Variants in JPH3 observed in about 807,000 individuals in gnomAD.
JPH3 encodes the protein junctophilin-3.
In JPH3, 11 loss-of-function variants were observed where a neutral mutation model predicts 59.6. The ratio of observed to expected loss-of-function variants is 0.18; its 90% CI spans 0.12 to 0.31. The LOEUF (loss-of-function observed/expected upper bound fraction) is 0.31. Among genes scored for constraint, JPH3 ranks in the 10% least tolerant of loss-of-function variants. The pLI, the probability that JPH3 is intolerant of heterozygous loss-of-function variation, is 1.00. For synonymous variants in JPH3, 673 were observed against 483.6 expected, an observed-to-expected ratio of 1.39 and a Z score of -5.14; for missense variants, 1,202 against 1,105.7, an observed-to-expected ratio of 1.09 and a Z score of -1.24.
At chr16:87,695,612 T>C (rs950921612) in intron 4 of JPH3, 2 of 455,898 alleles carry the variant, frequency 4.4e-6, no homozygotes, top group African/African-American at 4.0e-5. Flanking sequence ...CAGCCATTCC[T>C]GGGCTGGGGC....
At chr16:87,633,043 C>T (rs567309274) in intron 1 of JPH3, among the ~76,000 whole-genome samples, 2 of 152,224 alleles carry the variant, frequency 1.3e-5, no homozygotes, top group African/African-American at 4.8e-5. Flanking sequence ...TGTCCTTTTA[C>T]TTCATTATTT....
At chr16:87,662,314 G>A (rs569763956) in intron 2 of JPH3, among the ~76,000 whole-genome samples, 2 of 152,302 alleles carry the variant, frequency 1.3e-5, no homozygotes, top group Admixed American at 6.5e-5. Flanking sequence ...AAGGGTCAGT[G>A]GGCGCCGAAT....
chr16:87,634,541 G>A (rs1175144910), intron 1 of JPH3, among the ~76,000 whole-genome samples: 1 of 152,238 alleles, frequency 6.6e-6, no homozygotes, highest in Non-Finnish European at 1.5e-5. Flanking sequence ...AGGTGGGAAG[G>A]GGTCCCTGCA....
At chr16:87,667,233 C>T (rs1438108885) in intron 2 of JPH3, among the ~76,000 whole-genome samples, 1 of 152,196 alleles carries the variant, frequency 6.6e-6, no homozygotes, top group Non-Finnish European at 1.5e-5. Flanking sequence ...GCATTAGGGC[C>T]CACCTGTATA....
chr16:87,641,653 G>C (rs12444788), intron 1 of JPH3, among the ~76,000 whole-genome samples: 2 of 151,998 alleles, frequency 1.3e-5, no homozygotes, highest in African/African-American at 4.8e-5. Flanking sequence ...CTCAGAGGCT[G>C]CGTTGCCGAT....
intron 2 of JPH3, among the ~76,000 whole-genome samples, chr16:87,671,176 G>A (rs2033004992): frequency 6.6e-6 from 1 of 152,166 alleles, no homozygotes. Flanking sequence ...CGGGGTCTTT[G>A]GAGCTTCAGC....
chr16:87,665,687 C>T (rs913748739), intron 2 of JPH3, among the ~76,000 whole-genome samples: 1 of 152,252 alleles, frequency 6.6e-6, no homozygotes, highest in Non-Finnish European at 1.5e-5. Context: ...AGGCACTCAA[C>T]AACCACGGCT....
chr16:87,665,194 C>A (rs1304397862), intron 2 of JPH3, among the ~76,000 whole-genome samples: 1 of 152,092 alleles, frequency 6.6e-6, no homozygotes, highest in African/African-American at 2.4e-5. Context: ...ACCTTCTCCC[C>A]AGGGTGAGCT....
intron 1 of JPH3, among the ~76,000 whole-genome samples, chr16:87,640,839 G>A (rs897651019): frequency 5.9e-5 from 9 of 152,244 alleles, no homozygotes; most frequent in South Asian, 2.1e-4. Context: ...AGGGGCAGTC[G>A]CTGAGGGTGC....
chr16:87,626,824 C>T (rs1161921042), intron 1 of JPH3, among the ~76,000 whole-genome samples: 1 of 152,152 alleles, frequency 6.6e-6, no homozygotes, highest in African/African-American at 2.4e-5. Context: ...TCTTCAGCAG[C>T]AAGAGTGTTG....
chr16:87,609,099 AG>A (rs1349352652), intron 1 of JPH3, among the ~76,000 whole-genome samples: 8 of 152,232 alleles, frequency 5.3e-5, no homozygotes, highest in African/African-American at 1.9e-4. Context: ...TGCTCCAGGA[AG>A]GGCTGCCACT....
chr16:87,696,773 A>C lies in JPH3; in HGVS notation c.*113A>C, dbSNP rs762513022. 2.2e-5 allele frequency: 18 copies of C among 822,750 alleles called. No individual in the cohort carries two copies. Among genetic ancestry groups the C allele is most frequent in the Non-Finnish European group, 3.2e-5 (16 of 493,466 alleles). 51.0% of individuals were successfully genotyped at this position (822,750 alleles called of 1,614,324 possible). A position where few individuals can be genotyped will look rare whatever the true frequency, so the allele number is the denominator to read the frequency against. On this transcript the variant is annotated 3_prime_UTR_variant, in exon 5 of 5. Coordinates refer to ENST00000284262, the MANE Select transcript of JPH3 (RefSeq NM_020655.4). ...AACTCGGACAGCCCAGCGACTTCCA[A>C]GTCCTCTCACAGAAGAACCACACGA...
chr16:87,675,444 C>T (rs2033120677), intron 2 of JPH3, among the ~76,000 whole-genome samples: 1 of 152,160 alleles, frequency 6.6e-6, no homozygotes, highest in Non-Finnish European at 1.5e-5. Flanking sequence ...GGCCCTGGGG[C>T]CTGCACATAT....
chr16:87,654,907 G>A (rs2032442786), intron 2 of JPH3: 1 of 152,306 alleles, frequency 6.6e-6, no homozygotes, highest in Non-Finnish European at 1.5e-5. Flanking sequence ...GTCACCTGGT[G>A]GCCTTCGACA....
At chr16:87,643,374 G>A (rs367922792) in intron 1 of JPH3, among the ~76,000 whole-genome samples, 2 of 141,838 alleles carry the variant, frequency 1.4e-5, no homozygotes, top group East Asian at 2.2e-4. Context: ...AGCTGCTGCA[G>A]TCCCCACCCT....
At chr16:87,657,342 A>C (rs2032536894) in intron 2 of JPH3, among the ~76,000 whole-genome samples, 1 of 152,212 alleles carries the variant, frequency 6.6e-6, no homozygotes, top group Non-Finnish European at 1.5e-5. Flanking sequence ...TGAAATCTCT[A>C]GAACAGGGAG....
intron 3 of JPH3, among the ~76,000 whole-genome samples, chr16:87,689,008 C>T (rs72810185): frequency 5.9e-5 from 9 of 152,218 alleles, no homozygotes; most frequent in South Asian, 2.1e-4. Flanking sequence ...CACCGGCAGA[C>T]GACAGGGACT....
intron 1 of JPH3, 111 bp from the exon 2 acceptor site, chr16:87,644,147 A>T (rs904621947): frequency 8.3e-7 from 1 of 1,212,066 alleles, no homozygotes; most frequent in East Asian, 2.4e-5. Context: ...CAAAAAACAC[A>T]AAACAACAGG....
chr16:87,671,487 T>C (rs1002297836), intron 2 of JPH3, among the ~76,000 whole-genome samples: 1 of 152,226 alleles, frequency 6.6e-6, no homozygotes, highest in African/African-American at 2.4e-5. Flanking sequence ...CCGCTGTGCC[T>C]GCTCCTATCC....
Sources: gnomAD v4.1 joint callset for allele counts (sites outside exome capture counted in the v4.1 genomes callset) on GRCh38, gnomAD v4.1.1 for gene constraint, MANE v1.5 for transcripts, NCBI Gene and HGNC (gene_info 2026-07-23, HGNC 2026-07-21) for gene names.